The following LONP2 variants were observed in gnomAD, a reference collection of about 807,000 sequenced individuals.
The protein encoded by LONP2 is lon protease homolog 2, peroxisomal.
A neutral mutation model predicts 85.6 loss-of-function variants in LONP2; 60 were observed. That is an observed-to-expected ratio of 0.70 (90% CI 0.57 to 0.87). The LOEUF (loss-of-function observed/expected upper bound fraction) is 0.87. LONP2 is among the 40% of genes least tolerant of loss of function. LONP2 has a pLI of 0.00. For synonymous variants in LONP2, 395 were observed against 389.7 expected (o/e 1.01, Z -0.16); for missense variants, 860 against 1,063.5 (o/e 0.81, Z 2.66).
Position 48,252,116 on chromosome 16 carries a change from T to C in LONP2, c.234-15T>C, listed in dbSNP as rs1043549794. The C allele has an allele frequency of 4.5e-6, 7 of 1,542,656 alleles. No individual in the cohort carries two copies. The highest frequency in any genetic ancestry group is 1.7e-4 in the Middle Eastern group (1 of 5,778). Reference sequence around the variant, plus strand: ...ATTGAATGTTTGTAATACCGATGTTTTGTGTGTTTTTCAGGATTGGCACAG... The same window carrying C: ...ATTGAATGTTTGTAATACCGATGTTCTGTGTGTTTTTCAGGATTGGCACAG... On this transcript the variant is annotated splice_polypyrimidine_tract_variant and intron_variant, in intron 1 of 14. Coordinates refer to ENST00000285737, the MANE Select transcript of LONP2 (RefSeq NM_031490.5).
intron 11 of LONP2, among the ~76,000 whole-genome samples, chr16:48,329,432 G>T (rs1370662867): frequency 6.6e-6 from 1 of 152,146 alleles, no homozygotes; most frequent in Non-Finnish European, 1.5e-5. Context: ...CTTGGTTTCA[G>T]GGTGTTTGTG....
intron 2 of LONP2, among the ~76,000 whole-genome samples, chr16:48,254,717 C>G (rs1433472552): frequency 6.6e-6 from 1 of 152,218 alleles, no homozygotes; most frequent in Non-Finnish European, 1.5e-5. Context: ...GTCTGTCATA[C>G]ATGTCATTTA....
intron 8 of LONP2, among the ~76,000 whole-genome samples, chr16:48,284,971 ATTTCTT>A (rs1262790472): frequency 2.6e-5 from 4 of 152,240 alleles, no homozygotes; most frequent in African/African-American, 9.6e-5. Context: ...AGTGCGCTCT[ATTTCTT>A]TGTGTGGATA....
intron 11 of LONP2, among the ~76,000 whole-genome samples, chr16:48,329,511 T>G (rs1959368394): frequency 1.3e-5 from 2 of 152,206 alleles, no homozygotes; most frequent in African/African-American, 4.8e-5. Flanking sequence ...CATTCTGGGT[T>G]TATTTTATTA....
chr16:48,294,754 A>G (rs147053542), intron 8 of LONP2, among the ~76,000 whole-genome samples: 3 of 152,298 alleles, frequency 2.0e-5, no homozygotes, highest in African/African-American at 7.2e-5. Flanking sequence ...AAACAAAACA[A>G]AACAAAAAAC....
chr16:48,275,712 T>A (rs1464265341), intron 7 of LONP2, among the ~76,000 whole-genome samples: 1 of 152,078 alleles, frequency 6.6e-6, no homozygotes, highest in Non-Finnish European at 1.5e-5. Flanking sequence ...AGCAAGAAAG[T>A]AATGGCAGCA....
At chr16:48,360,551 T>G (rs1960542463), downstream of LONP2, 1 of 152,676 alleles carries the variant, frequency 6.5e-6, no homozygotes, top group African/African-American at 2.4e-5. Flanking sequence ...TTGCCAGATA[T>G]TCTTTTAATG....
In LONP2 at chr16:48,354,963, T is replaced by TG. The variant is rs1235504795; in HGVS notation, c.*3164dup. 1 of 152,194 alleles carries TG rather than the reference T, an allele frequency of 6.6e-6. No homozygotes were observed. Among genetic ancestry groups the TG allele is most frequent in the African/African-American group, 2.4e-5 (1 of 41,446 alleles). The allele number at this position is 152,194 out of a possible 1,614,324, so 9.4% of individuals were successfully genotyped here. A position where few individuals can be genotyped will look rare whatever the true frequency, so the allele number is the denominator to read the frequency against. On this transcript the variant is annotated 3_prime_UTR_variant, in exon 15 of 15. Coordinates refer to ENST00000285737, the MANE Select transcript of LONP2 (RefSeq NM_031490.5). ...GTCAAACAAAAACTAATACTTTCCCTGGGAAAAAGCCATGTGGTAGCAAGT... is the reference window on the plus strand; with the variant it reads ...GTCAAACAAAAACTAATACTTTCCCTGGGGAAAAAGCCATGTGGTAGCAAGT...
downstream of LONP2, among the ~76,000 whole-genome samples, chr16:48,358,971 C>T (rs1469807614): frequency 6.6e-6 from 1 of 152,086 alleles, no homozygotes; most frequent in Non-Finnish European, 1.5e-5. Context: ...AAATGATATA[C>T]CTCCACGAAT....
intron 11 of LONP2, among the ~76,000 whole-genome samples, chr16:48,318,978 CT>C (rs775333727): frequency 2.9e-3 from 413 of 144,788 alleles, no homozygotes; most frequent in Middle Eastern, 3.6e-3. Flanking sequence ...ATCCTTTCAG[CT>C]TTTTTTTTTT....
intron 5 of LONP2, 93 bp downstream of exon 5, chr16:48,261,680 A>G: frequency 3.2e-6 from 3 of 925,698 alleles, no homozygotes; most frequent in Non-Finnish European, 4.7e-6. Flanking sequence ...AATACTGAGG[A>G]TACATAATAC....
intron 7 of LONP2, 137 bp from the exon 8 acceptor site, chr16:48,277,201 T>C (rs1470479340): frequency 1.4e-6 from 1 of 694,112 alleles, no homozygotes; most frequent in Non-Finnish European, 2.3e-6. Context: ...TAGTGCCTTT[T>C]AAATACATAG....
In LONP2 at chr16:48,277,830, C is replaced by T. The variant is rs74810187; in HGVS notation, c.1383+351C>T. On this transcript the variant is annotated intron_variant, in intron 8 of 14. Coordinates refer to ENST00000285737, the MANE Select transcript of LONP2 (RefSeq NM_031490.5). ...CCCATGCCTTCTTCTGCACTTTGAC[C>T]TCTTCAGCTTTTAGTTGATTAACCC... Among the ~76,000 whole-genome samples, 667 of 151,198 alleles carry T rather than the reference C, an allele frequency of 4.4e-3. 7 individuals carry two copies. The highest frequency in any genetic ancestry group is 0.015 in the African/African-American group (636 of 41,300).
chr16:48,244,632 C>G lies in LONP2; in HGVS notation c.233+11C>G. Reference sequence around the variant, plus strand: ...GCCGCCGCTGCACAGGTAGGCCTGGCTGCCCCCGCGGCGGCGGCGGGCGGC... The same window carrying G: ...GCCGCCGCTGCACAGGTAGGCCTGGGTGCCCCCGCGGCGGCGGCGGGCGGC... On this transcript the variant is annotated intron_variant, in intron 1 of 14. Coordinates refer to ENST00000285737, the MANE Select transcript of LONP2 (RefSeq NM_031490.5). The G allele has an allele frequency of 7.4e-7, 1 of 1,353,886 alleles. No individual in the cohort carries two copies. Among genetic ancestry groups the G allele is most frequent in the Admixed American group, 4.1e-5 (1 of 24,650 alleles). 83.9% of individuals were successfully genotyped at this position (1,353,886 alleles called of 1,614,324 possible).
chr16:48,268,681 A>G (rs1223667557), intron 6 of LONP2, among the ~76,000 whole-genome samples: 2 of 152,098 alleles, frequency 1.3e-5, no homozygotes, highest in South Asian at 2.1e-4. Flanking sequence ...ACTTCTTCAT[A>G]TATTCATTGG....
chr16:48,261,417 A>G lies in LONP2; in HGVS notation c.724-7A>G, dbSNP rs370034837. On this transcript the variant is annotated splice_region_variant and splice_polypyrimidine_tract_variant and intron_variant, in intron 4 of 14. Coordinates refer to ENST00000285737, the MANE Select transcript of LONP2 (RefSeq NM_031490.5). ...ATACGGTTTTACTTTTCTGCTTTCT[A>G]TGTTAGGTTATAGCAATACGCCCTA... is the stretch of plus-strand genomic sequence containing the variant. 1.0e-5 allele frequency: 16 copies of G among 1,567,068 alleles called. No homozygotes were observed. The African/African-American group carries it at 1.8e-4, about 18-fold the overall frequency.
intron 8 of LONP2, among the ~76,000 whole-genome samples, chr16:48,281,374 T>C (rs956207417): frequency 2.0e-5 from 3 of 152,180 alleles, no homozygotes; most frequent in Non-Finnish European, 4.4e-5. Flanking sequence ...ATGATCTCTT[T>C]TGAAAATTTA....
intron 8 of LONP2, among the ~76,000 whole-genome samples, chr16:48,279,887 C>G (rs1972290657): frequency 6.6e-6 from 1 of 151,888 alleles, no homozygotes; most frequent in Admixed American, 6.5e-5. Context: ...TTTTTGTGAT[C>G]TTAGAACAGG....
downstream of LONP2, among the ~76,000 whole-genome samples, chr16:48,358,693 C>T (rs998752154): frequency 1.3e-5 from 2 of 152,078 alleles, no homozygotes; most frequent in Non-Finnish European, 2.9e-5. Flanking sequence ...TGATGCCATA[C>T]ACCTGTACTC....
Sources: allele counts gnomAD v4.1 joint callset (sites outside exome capture counted in the v4.1 genomes callset), GRCh38; gene constraint gnomAD v4.1.1; transcripts MANE v1.5; gene names NCBI Gene and HGNC (gene_info 2026-07-23, HGNC 2026-07-21).